ITPR2: variants seen among roughly 807,000 people sequenced by gnomAD.
ITPR2 encodes inositol 1,4,5-trisphosphate-gated calcium channel ITPR2.
ITPR2 carries 207 observed loss-of-function variants against 317.1 expected under a neutral mutation model. The ratio of observed to expected loss-of-function variants is 0.65; its 90% confidence interval spans 0.58 to 0.73. ITPR2 has a LOEUF of 0.73. Ranked by LOEUF, ITPR2 falls within the 30% of genes least tolerant of loss-of-function variation. The probability of loss-of-function intolerance (pLI) is 0.00; values close to 1 mark genes in which losing one functional copy is unlikely to be tolerated. For synonymous variants in ITPR2, 1,156 were observed against 1,149.1 expected, an observed-to-expected ratio of 1.01 and a Z score of -0.12; for missense variants, 2,613 against 3,284.0, an observed-to-expected ratio of 0.80 and a Z score of 4.99.
chr12:26,605,545 C>A (rs1056643870), intron 26 of ITPR2, among the ~76,000 whole-genome samples: 28 of 152,218 alleles, frequency 1.8e-4, no homozygotes, highest in Admixed American at 1.3e-4. Flanking sequence ...TTAAAGAAAG[C>A]TGTTAAAAAG....
At chr12:26,566,528 G>C (rs1479524988) in intron 34 of ITPR2, among the ~76,000 whole-genome samples, 1 of 144,934 alleles carries the variant, frequency 6.9e-6, no homozygotes, top group Non-Finnish European at 1.5e-5. Flanking sequence ...AGGAGGAGGA[G>C]AGGAAAGAAG....
intron 2 of ITPR2, among the ~76,000 whole-genome samples, chr12:26,731,815 T>A (rs1949032940): frequency 6.6e-6 from 1 of 152,224 alleles, no homozygotes; most frequent in South Asian, 2.1e-4. Flanking sequence ...ATACAAATTT[T>A]AAAAAATTAA....
At chr12:26,669,130 A>T (rs187692215) in intron 13 of ITPR2, among the ~76,000 whole-genome samples, 1 of 151,698 alleles carries the variant, frequency 6.6e-6, no homozygotes, top group East Asian at 1.9e-4. Context: ...CAAAAAAAAA[A>T]TTATTATTAT....
At chr12:26,585,002 A>ATACAC (rs1434165189) in intron 32 of ITPR2, among the ~76,000 whole-genome samples, 4 of 152,324 alleles carry the variant, frequency 2.6e-5, no homozygotes, top group African/African-American at 9.6e-5. Flanking sequence ...TCATCAGCTC[A>ATACAC]TACACTCAAC....
intron 2 of ITPR2, among the ~76,000 whole-genome samples, chr12:26,764,858 C>T (rs1053961959): frequency 1.3e-5 from 2 of 152,052 alleles, no homozygotes; most frequent in Non-Finnish European, 2.9e-5. Flanking sequence ...TTTAATGACA[C>T]TTATATTTCA....
rs1351248549 is a variant in ITPR2 at position 26,575,750 on chromosome 12, G to T, written c.4630+2963C>A. 6.6e-5 allele frequency among the ~76,000 whole-genome samples: 10 copies of T among 152,200 alleles called. 1 individual carries two copies. The highest frequency in any genetic ancestry group is 1.3e-4 in the Non-Finnish European group (9 of 68,044). ...ATGTATTTAGACTAATATAGTTTCAGTAACTATATTAAGCCCCCAAATCTC... is the reference window on the plus strand; with the variant it reads ...ATGTATTTAGACTAATATAGTTTCATTAACTATATTAAGCCCCCAAATCTC... On this transcript the variant is annotated intron_variant, in intron 34 of 56. Transcript: ENST00000381340.
intron 26 of ITPR2, among the ~76,000 whole-genome samples, chr12:26,618,011 T>C (rs4964007): frequency 0.72 from 110,025 of 152,048 alleles, 40,044 homozygotes; most frequent in East Asian, 0.95. Flanking sequence ...AATAATATAA[T>C]CTTAATAGAT....
chr12:26,714,228 T>G (rs1239198672), intron 8 of ITPR2, among the ~76,000 whole-genome samples: 1 of 152,226 alleles, frequency 6.6e-6, no homozygotes, highest in Non-Finnish European at 1.5e-5. Flanking sequence ...TAAAGTATTA[T>G]CCCTACTTTG....
At chr12:26,776,383 C>T (rs1014807864) in intron 2 of ITPR2, among the ~76,000 whole-genome samples, 12 of 152,260 alleles carry the variant, frequency 7.9e-5, no homozygotes, top group Admixed American at 4.6e-4. Context: ...GAAGCAGCTA[C>T]GGAGCCTCAA....
chr12:26,556,294 G>T lies in ITPR2; in HGVS notation c.4903C>A (p.Pro1635Thr). 2 of 1,614,030 alleles carry T rather than the reference G, an allele frequency of 1.2e-6. No individual in the cohort carries two copies. Among genetic ancestry groups the T allele is most frequent in the Non-Finnish European group, 1.7e-6 (2 of 1,179,946 alleles). The change falls in exon 36 of 57, where the codon CCA becomes ACA. Residue 1635 changes from proline (P) to threonine (T), a missense_variant. Coordinates refer to ENST00000381340, the MANE Select transcript of ITPR2 (RefSeq NM_002223.4). Reference protein sequence around the residue: ...FSVLVDVLYSPELLFPEGSDA... With the variant: ...FSVLVDVLYSTELLFPEGSDA... ...CTTCCCTCAGGGAACAGCAGTTCTG[G>T]ACTGTACAATACATCAACCAACACT... is the stretch of plus-strand genomic sequence containing the variant.
At position 26,394,533 on chromosome 12, in the gene ITPR2, T is replaced by G. The variant is rs144479706; in HGVS notation, c.7696+4343A>C. Among the ~76,000 whole-genome samples the G allele has an allele frequency of 3.7e-3, 560 of 151,970 alleles. 3 individuals are homozygous for G. Among genetic ancestry groups the G allele is most frequent in the Non-Finnish European group, 5.5e-3 (377 of 67,972 alleles). On this transcript the variant is annotated intron_variant, in intron 54 of 56. Coordinates refer to ENST00000381340, the MANE Select transcript of ITPR2 (RefSeq NM_002223.4). ...CATGGAGAGTCTGGGAAGTTAAAGG[T>G]AAGTAATGTAGTTGCCCTGGAACTT... is the stretch of plus-strand genomic sequence containing the variant.
chr12:26,648,179 T>A (rs1947158071), intron 21 of ITPR2, among the ~76,000 whole-genome samples: 1 of 143,068 alleles, frequency 7.0e-6, no homozygotes, highest in Non-Finnish European at 1.5e-5. Context: ...CTACAGGATT[T>A]CCCAGAAAAA....
At chr12:26,712,646 C>T (rs1948668573) in intron 8 of ITPR2, among the ~76,000 whole-genome samples, 1 of 55,714 alleles carries the variant, frequency 1.8e-5, no homozygotes, top group African/African-American at 4.0e-5. Flanking sequence ...CACACACACA[C>T]ACACACACAC....
intron 32 of ITPR2, among the ~76,000 whole-genome samples, chr12:26,585,367 T>A (rs1945498459): frequency 6.6e-6 from 1 of 152,334 alleles, no homozygotes; most frequent in East Asian, 1.9e-4. Context: ...ATTTAACCGT[T>A]TGTCAAATAT....
At chr12:26,704,887 A>G (rs1386811421) in intron 9 of ITPR2, among the ~76,000 whole-genome samples, 1 of 152,218 alleles carries the variant, frequency 6.6e-6, no homozygotes, top group Non-Finnish European at 1.5e-5. Flanking sequence ...TGGCCAATAT[A>G]AACACCATAA....
At chr12:26,579,040 T>A (rs1277633453) in intron 33 of ITPR2, among the ~76,000 whole-genome samples, 2 of 152,192 alleles carry the variant, frequency 1.3e-5, no homozygotes, top group Admixed American at 6.6e-5. Flanking sequence ...TATAGGGGAT[T>A]GATTATTTTC....
chr12:26,807,667 C>T (rs1329633924), intron 1 of ITPR2, among the ~76,000 whole-genome samples: 1 of 152,162 alleles, frequency 6.6e-6, no homozygotes, highest in Non-Finnish European at 1.5e-5. Flanking sequence ...AAAAATTCTG[C>T]AAGAAAGATA....
chr12:26,774,976 C>T (rs1272903048), intron 2 of ITPR2, among the ~76,000 whole-genome samples: 1 of 152,162 alleles, frequency 6.6e-6, no homozygotes, highest in Non-Finnish European at 1.5e-5. Context: ...GTGGCCCTGG[C>T]AGGACTGAGC....
intron 25 of ITPR2, 134 bp from the exon 26 acceptor site, chr12:26,621,430 AT>A: frequency 2.0e-6 from 1 of 489,540 alleles, no homozygotes; most frequent in Non-Finnish European, 3.3e-6. Flanking sequence ...TTCACACATT[AT>A]AATTTTTTTA....
Sources: allele counts gnomAD v4.1 joint callset (sites outside exome capture counted in the v4.1 genomes callset), GRCh38; gene constraint gnomAD v4.1.1; transcripts MANE v1.5; gene names NCBI Gene and HGNC (gene_info 2026-07-23, HGNC 2026-07-21).